Variants in TIAM2 observed in about 807,000 individuals in gnomAD.
The protein encoded by TIAM2 is TIAM Rac1 associated GEF 2.
In TIAM2, 80 loss-of-function variants were observed where a neutral mutation model predicts 152.9. The ratio of observed to expected loss-of-function variants is 0.52; its 90% CI spans 0.44 to 0.63. The LOEUF is 0.63. Ranked by LOEUF, TIAM2 falls within the 30% of genes least tolerant of loss-of-function variation. The pLI is 0.00. For missense variants in TIAM2, 1,965 were observed against 2,120.1 expected (o/e 0.93, Z 1.44); for synonymous variants, 804 against 838.0 (o/e 0.96, Z 0.70).
Position 155,146,690 on chromosome 6 carries a change from G to A in TIAM2, c.1804-1420G>A, listed in dbSNP as rs149872494. On this transcript the variant is annotated intron_variant, in intron 6 of 26. Coordinates refer to ENST00000682666, the MANE Select transcript of TIAM2 (RefSeq NM_012454.4). The stretch of plus-strand genomic sequence containing the variant: ...AGCTCACTGCAACCTCTGCCTCCCC[G>A]GTTCAAGCAATTCTTGAATTCCTCC... 9.9e-3 allele frequency among the ~76,000 whole-genome samples: 1,508 copies of A among 151,758 alleles called. 6 individuals are homozygous for A. The highest frequency in any genetic ancestry group is 0.017 in the Middle Eastern group (5 of 294).
At chr6:155,094,839 T>C (rs1233626073) in intron 2 of TIAM2, among the ~76,000 whole-genome samples, 1 of 151,598 alleles carries the variant, frequency 6.6e-6, no homozygotes, top group Non-Finnish European at 1.5e-5. Context: ...CGCGTCAGCC[T>C]CCCAAAGTGC....
intron 15 of TIAM2, among the ~76,000 whole-genome samples, chr6:155,220,897 T>G (rs1468906661): frequency 2.0e-5 from 3 of 152,144 alleles, no homozygotes; most frequent in Non-Finnish European, 4.4e-5. Context: ...GTATTTCTCC[T>G]GACGCTATCC....
chr6:155,159,569 C>T (rs961612930), intron 7 of TIAM2, among the ~76,000 whole-genome samples: 1 of 152,136 alleles, frequency 6.6e-6, no homozygotes, highest in Non-Finnish European at 1.5e-5. Context: ...AATACCAAGT[C>T]CCTTGCAATT....
chr6:155,092,287 G>A (rs1269375808), intron 2 of TIAM2, among the ~76,000 whole-genome samples: 3 of 151,626 alleles, frequency 2.0e-5, no homozygotes, highest in African/African-American at 4.8e-5. Flanking sequence ...TTGTAGAGGC[G>A]AGGTCTTGCT....
chr6:155,060,526 T>C (rs1020462486), intron 1 of TIAM2, among the ~76,000 whole-genome samples: 1 of 152,266 alleles, frequency 6.6e-6, no homozygotes, highest in African/African-American at 2.4e-5. Flanking sequence ...TCATAGCCAT[T>C]ATTTTATTCT....
chr6:155,136,690 G>T (rs1272501935), intron 4 of TIAM2, among the ~76,000 whole-genome samples: 1 of 152,150 alleles, frequency 6.6e-6, no homozygotes, highest in East Asian at 1.9e-4. Flanking sequence ...AGAAGTTTTT[G>T]GGTTTTGCAT....
chr6:155,067,502 A>G (rs1401724258), intron 1 of TIAM2, among the ~76,000 whole-genome samples: 1 of 152,080 alleles, frequency 6.6e-6, no homozygotes, highest in Non-Finnish European at 1.5e-5. Context: ...CCACAGGGAG[A>G]TGCATGTTCT....
chr6:155,052,863 T>C (rs1036046506), intron 1 of TIAM2, among the ~76,000 whole-genome samples: 1 of 152,126 alleles, frequency 6.6e-6, no homozygotes, highest in Non-Finnish European at 1.5e-5. Context: ...CCATACGTTT[T>C]ATGGTAGAAG....
intron 1 of TIAM2, among the ~76,000 whole-genome samples, chr6:155,024,185 A>T (rs1776554595): frequency 6.6e-6 from 1 of 152,206 alleles, no homozygotes; most frequent in African/African-American, 2.4e-5. Flanking sequence ...TTCTGGGAAA[A>T]GTACTTACGG....
intron 1 of TIAM2, among the ~76,000 whole-genome samples, chr6:155,031,806 T>TA (rs773630021): frequency 1.3e-5 from 2 of 152,186 alleles, no homozygotes; most frequent in Non-Finnish European, 2.9e-5. Context: ...ATGATGGGCT[T>TA]AAAGATGAAA....
intron 2 of TIAM2, among the ~76,000 whole-genome samples, chr6:155,116,722 T>G (rs933946168): frequency 5.3e-5 from 8 of 152,148 alleles, no homozygotes; most frequent in Non-Finnish European, 1.0e-4. Context: ...TTCCAGCGCA[T>G]GATGCTGTTT....
intron 15 of TIAM2, among the ~76,000 whole-genome samples, chr6:155,232,107 A>C (rs111404767): frequency 0.012 from 1,851 of 152,056 alleles, 34 homozygotes; most frequent in Non-Finnish European, 0.015. Flanking sequence ...ACAAAAAAAA[A>C]CAAAAACTGG....
chr6:155,032,917 A>C (rs541020984), intron 1 of TIAM2, among the ~76,000 whole-genome samples: 1 of 152,364 alleles, frequency 6.6e-6, no homozygotes, highest in South Asian at 2.1e-4. Context: ...GGTATATAAA[A>C]GAATCATTTC....
chr6:155,094,246 G>A (rs1778363004), intron 2 of TIAM2, among the ~76,000 whole-genome samples: 1 of 152,118 alleles, frequency 6.6e-6, no homozygotes, highest in African/African-American at 2.4e-5. Flanking sequence ...CAGCTGGTTT[G>A]CCACAGTCCC....
intron 9 of TIAM2, among the ~76,000 whole-genome samples, chr6:155,170,606 AAAG>A (rs746590689): frequency 2.6e-5 from 4 of 152,194 alleles, no homozygotes; most frequent in Non-Finnish European, 5.9e-5. Context: ...ATCCCTGAAA[AAAG>A]AAAGTTATGA....
At chr6:155,006,276 A>G (rs1375282074) in intron 1 of TIAM2, among the ~76,000 whole-genome samples, 1 of 152,194 alleles carries the variant, frequency 6.6e-6, no homozygotes, top group Non-Finnish European at 1.5e-5. Context: ...GGTAGGGACA[A>G]ACAAGTAAAG....
Position 155,254,032 on chromosome 6 carries a change from C to T in TIAM2, c.4285C>T (p.Pro1429Ser). The change falls in exon 25 of 27, where the codon CCA becomes TCA. Residue 1429 changes from proline to serine, a missense_variant. Around this residue, in one of 3 missense-constraint regions of TIAM2, gnomAD observed 935 missense variants for 980.0 expected, o/e 0.95. Transcript: ENST00000682666. ...TACGAAGTCAGAAATAGAAGGACGG[C>T]CAGAAACCATCTTTCAGTTGTGTTG... ...IHTKSEIEGR[P>S]ETIFQLCCSD... The T allele has an allele frequency of 6.2e-7, 1 of 1,614,022 alleles. No homozygotes were observed. The highest frequency in any genetic ancestry group is 1.3e-5 in the African/African-American group (1 of 75,018).
intron 2 of TIAM2, among the ~76,000 whole-genome samples, chr6:155,122,240 A>G (rs1779170553): frequency 6.6e-6 from 1 of 152,070 alleles, no homozygotes; most frequent in African/African-American, 2.4e-5. Flanking sequence ...AGAAAGAAAA[A>G]CTTCCACTCT....
intron 2 of TIAM2, among the ~76,000 whole-genome samples, chr6:155,104,908 T>C (rs1778647214): frequency 6.6e-6 from 1 of 152,212 alleles, no homozygotes; most frequent in Admixed American, 6.5e-5. Context: ...TATCTGTCTA[T>C]GGTAGAGGCT....
Sources: gnomAD v4.1 joint callset for allele counts (sites outside exome capture counted in the v4.1 genomes callset) on GRCh38, gnomAD v4.1.1 for gene constraint, gnomAD v4.1.1 regional missense constraint, MANE v1.5 for transcripts, NCBI Gene and HGNC (gene_info 2026-07-23, HGNC 2026-07-21) for gene names.